DLGAP2: variants seen among roughly 807,000 people sequenced by gnomAD.
DLGAP2 encodes DLG associated protein 2, also known as disks large-associated protein 2.
A neutral mutation model predicts 100.3 loss-of-function variants in DLGAP2; 26 were observed. The observed-to-expected ratio is 0.26, with a 90% CI of 0.19 to 0.36. DLGAP2 has a LOEUF of 0.36. Ranked by LOEUF, DLGAP2 falls within the 10% of genes least tolerant of loss-of-function variation. The pLI is 1.00. For synonymous variants in DLGAP2, 886 were observed against 630.1 expected (o/e 1.41, Z -6.08); for missense variants, 1,858 against 1,453.2 (o/e 1.28, Z -4.53).
rs906905468 is a variant in DLGAP2, at chr8:1,440,664, G to A, written c.107-60702G>A. Among the ~76,000 whole-genome samples the A allele has an allele frequency of 3.9e-5, 6 of 152,232 alleles. 1 individual carries two copies. Among genetic ancestry groups the A allele is most frequent in the African/African-American group, 7.2e-5 (3 of 41,458 alleles). On this transcript the variant is annotated intron_variant, in intron 3 of 14. Coordinates refer to ENST00000637795, the MANE Select transcript of DLGAP2 (RefSeq NM_001346810.2). Reference sequence around the variant, plus strand: ...CTGCTGAACTAGTGACCGGCTGAGCGTGGATTGTCGGGTGAGCCGCCCTCT... The same window carrying A: ...CTGCTGAACTAGTGACCGGCTGAGCATGGATTGTCGGGTGAGCCGCCCTCT...
intron 14 of DLGAP2, among the ~76,000 whole-genome samples, chr8:1,699,330 G>A (rs1256145203): frequency 1.3e-5 from 2 of 151,910 alleles, no homozygotes; most frequent in Non-Finnish European, 2.9e-5. Context: ...AATTAGCCGG[G>A]CACAGTGGAT....
chr8:1,036,254 C>T (rs1802119441), intron 2 of DLGAP2, among the ~76,000 whole-genome samples: 2 of 152,192 alleles, frequency 1.3e-5, no homozygotes, highest in African/African-American at 2.4e-5. Flanking sequence ...CACGCTCATC[C>T]CGACCCCACA....
rs1480240464 is a variant in DLGAP2, at chr8:1,419,440, ACGTG to A, written c.107-81925_107-81922del. ...GTGGGATACTGTGTTACACTCTGAT[ACGTG>A]TGTGTGTGTGTGTGTGTGTGTGTGT... is the stretch of plus-strand genomic sequence containing the variant. On this transcript the variant is annotated intron_variant, in intron 3 of 14. Transcript: ENST00000637795. Among the ~76,000 whole-genome samples, 42 of 34,012 alleles carry A rather than the reference ACGTG, an allele frequency of 1.2e-3. 10 individuals carry two copies. Among genetic ancestry groups the A allele is most frequent in the African/African-American group, 6.3e-3 (41 of 6,532 alleles). The allele number at this position is 34,012 out of a possible 152,430, so 22.3% of individuals were successfully genotyped here. A position where few individuals can be genotyped will look rare whatever the true frequency, so the allele number is the denominator to read the frequency against.
intron 6 of DLGAP2, among the ~76,000 whole-genome samples, chr8:1,618,164 T>C (rs1490688957): frequency 7.9e-5 from 12 of 152,172 alleles, no homozygotes; most frequent in Admixed American, 7.9e-4. Context: ...GCTCCTTCCA[T>C]GTTTAGGTTC....
chr8:836,932 C>T (rs938778870), intron 1 of DLGAP2, among the ~76,000 whole-genome samples: 2 of 152,242 alleles, frequency 1.3e-5, no homozygotes, highest in East Asian at 1.9e-4. Context: ...ACACCTGCTG[C>T]TGTTCTCCTT....
In DLGAP2 at chr8:1,132,815, C is replaced by T. The variant is rs903688369; in HGVS notation, c.74-126036C>T. On this transcript the variant is annotated intron_variant, in intron 2 of 14. Coordinates refer to ENST00000637795, the MANE Select transcript of DLGAP2 (RefSeq NM_001346810.2). ...GGTTTAAGCTTAGAAGGGCAGGACGCCCAGTCGCTGGGGCTCATGGATCAT... is the reference window on the plus strand; with the variant it reads ...GGTTTAAGCTTAGAAGGGCAGGACGTCCAGTCGCTGGGGCTCATGGATCAT... 3.9e-5 allele frequency among the ~76,000 whole-genome samples: 6 copies of T among 152,206 alleles called. 1 individual carries two copies. Among genetic ancestry groups the T allele is most frequent in the Admixed American group, 3.9e-4 (6 of 15,282 alleles).
At chr8:781,792 A>G (rs1327211131) in intron 1 of DLGAP2, among the ~76,000 whole-genome samples, 1 of 152,210 alleles carries the variant, frequency 6.6e-6, no homozygotes, top group Non-Finnish European at 1.5e-5. Context: ...ATTTCCTGAC[A>G]TAGGTTTGTT....
chr8:1,459,848 G>T (rs1798425092), intron 3 of DLGAP2, among the ~76,000 whole-genome samples: 1 of 151,994 alleles, frequency 6.6e-6, no homozygotes, highest in Admixed American at 6.6e-5. Context: ...ACCACGCCCG[G>T]CTAATTTTTG....
chr8:1,419,331 G>GTT, intron 3 of DLGAP2, among the ~76,000 whole-genome samples: 1 of 114,382 alleles, frequency 8.7e-6, no homozygotes, highest in Admixed American at 1.0e-4. Context: ...ACGTGTGTGT[G>GTT]TGTGTGTGTG....
At chr8:1,509,551 T>C (rs983817165) in intron 4 of DLGAP2, among the ~76,000 whole-genome samples, 1 of 151,874 alleles carries the variant, frequency 6.6e-6, no homozygotes, top group Non-Finnish European at 1.5e-5. Context: ...AGAAAGGAAG[T>C]CGCTTTTGTG....
intron 1 of DLGAP2, among the ~76,000 whole-genome samples, chr8:828,473 C>T (rs1796722890): frequency 6.6e-6 from 1 of 152,204 alleles, no homozygotes; most frequent in Admixed American, 6.5e-5. Context: ...CACCGGTGGT[C>T]AGAGTTTAAG....
At chr8:1,417,927 C>G (rs1796976751) in intron 3 of DLGAP2, among the ~76,000 whole-genome samples, 2 of 151,980 alleles carry the variant, frequency 1.3e-5, no homozygotes, top group South Asian at 2.1e-4. Flanking sequence ...ATTACATTTT[C>G]AAAATAGCTA....
chr8:1,425,286 C>A (rs934662659), intron 3 of DLGAP2, among the ~76,000 whole-genome samples: 1 of 152,134 alleles, frequency 6.6e-6, no homozygotes, highest in African/African-American at 2.4e-5. Flanking sequence ...CTTAGCCATG[C>A]CCATGGTAAA....
intron 1 of DLGAP2, among the ~76,000 whole-genome samples, chr8:811,811 G>C (rs1042956457): frequency 6.6e-6 from 1 of 152,268 alleles, no homozygotes; most frequent in Non-Finnish European, 1.5e-5. Flanking sequence ...CCCATCAAAG[G>C]ATATAAGGGG....
chr8:1,664,464 G>A (rs750515183), intron 8 of DLGAP2, among the ~76,000 whole-genome samples: 7 of 152,178 alleles, frequency 4.6e-5, no homozygotes, highest in Non-Finnish European at 1.0e-4. Flanking sequence ...GGCCTTTTCA[G>A]TGTGATTATG....
At chr8:916,475 A>G (rs1036735743) in intron 2 of DLGAP2, among the ~76,000 whole-genome samples, 2 of 152,180 alleles carry the variant, frequency 1.3e-5, no homozygotes, top group African/African-American at 4.8e-5. Flanking sequence ...GAATTGAACA[A>G]TGAGAACAGT....
At chr8:1,524,643 A>G (rs533727070) in intron 4 of DLGAP2, among the ~76,000 whole-genome samples, 168 of 152,216 alleles carry the variant, frequency 1.1e-3, no homozygotes, top group African/African-American at 3.9e-3. Context: ...TCTTCTCAAA[A>G]AAATAGATCC....
At chr8:918,228 G>T (rs966764594) in intron 2 of DLGAP2, among the ~76,000 whole-genome samples, 1 of 152,162 alleles carries the variant, frequency 6.6e-6, no homozygotes, top group Non-Finnish European at 1.5e-5. Flanking sequence ...GTTTGTGCAT[G>T]CACTTACTGG....
intron 2 of DLGAP2, among the ~76,000 whole-genome samples, chr8:1,200,889 G>T (rs558053695): frequency 1.3e-5 from 2 of 152,206 alleles, no homozygotes; most frequent in Non-Finnish European, 1.5e-5. Context: ...GCTGGCTCCC[G>T]TGCTCGGTTT....
Sources: gnomAD v4.1 joint callset for allele counts (sites outside exome capture counted in the v4.1 genomes callset) on GRCh38, gnomAD v4.1.1 for gene constraint, MANE v1.5 for transcripts, NCBI Gene and HGNC (gene_info 2026-07-23, HGNC 2026-07-21) for gene names.